The following SEZ6L variants were observed in gnomAD, a reference collection of about 807,000 sequenced individuals.
SEZ6L encodes the protein seizure 6-like protein.
A neutral mutation model predicts 106.2 loss-of-function variants in SEZ6L; 37 were observed. That is an observed-to-expected ratio of 0.35 (90% confidence interval 0.27 to 0.46). The LOEUF (loss-of-function observed/expected upper bound fraction) is 0.46. SEZ6L is among the 20% of genes least tolerant of loss of function. The pLI, the probability that SEZ6L is intolerant of heterozygous loss-of-function variation, is 1.00. For missense variants in SEZ6L, 1,172 were observed against 1,332.8 expected (o/e 0.88, Z 1.88); for synonymous variants, 541 against 570.4 (o/e 0.95, Z 0.73).
chr22:26,234,573 C>T (rs774400962), intron 1 of SEZ6L, among the ~76,000 whole-genome samples: 3 of 152,248 alleles, frequency 2.0e-5, no homozygotes, highest in Non-Finnish European at 1.5e-5. Context: ...GAACAGCATT[C>T]TTCCTCTGTA....
chr22:26,320,854 G>T lies in SEZ6L; in HGVS notation c.2015+6952G>T, dbSNP rs574905308. ...GGACAATGGGAGGGTGCGGGGGAGA[G>T]CACCCCCAGCATCTAGTGGGGACAG... is the stretch of plus-strand genomic sequence containing the variant. On this transcript the variant is annotated intron_variant, in intron 9 of 16. Coordinates refer to ENST00000248933, the MANE Select transcript of SEZ6L (RefSeq NM_021115.5). Among the ~76,000 whole-genome samples, 3 of 152,266 alleles carry T rather than the reference G, an allele frequency of 2.0e-5. No homozygotes were observed. The South Asian group carries it at 6.2e-4, about 32-fold the overall frequency.
chr22:26,287,320 A>C (rs770842510), intron 1 of SEZ6L, among the ~76,000 whole-genome samples: 1 of 152,116 alleles, frequency 6.6e-6, no homozygotes, highest in African/African-American at 2.4e-5. Flanking sequence ...TAACTCCTTG[A>C]GGGCAGGGGC....
intron 1 of SEZ6L, among the ~76,000 whole-genome samples, chr22:26,197,317 A>C (rs1352594492): frequency 6.6e-6 from 1 of 152,132 alleles, no homozygotes; most frequent in Non-Finnish European, 1.5e-5. Flanking sequence ...TGAAAACAAA[A>C]TTTTTTCACA....
At chr22:26,278,999 A>AGGAAGGAAGGAAGGAAAGAC (rs57017312) in intron 1 of SEZ6L, among the ~76,000 whole-genome samples, 51,464 of 135,448 alleles carry the variant, frequency 0.38, 12,130 homozygotes, top group African/African-American at 0.61. Flanking sequence ...GAAGGAAGGA[A>AGGAAGGAAGGAAGGAAAGAC]GGAAGGAAGG....
At chr22:26,368,451 A>G (rs1270196543) in intron 13 of SEZ6L, among the ~76,000 whole-genome samples, 2 of 152,220 alleles carry the variant, frequency 1.3e-5, no homozygotes, top group Non-Finnish European at 2.9e-5. Context: ...ATACCACAAC[A>G]TGGATGAACC....
At chr22:26,330,497 G>A (rs534300181) in intron 9 of SEZ6L, among the ~76,000 whole-genome samples, 1 of 152,336 alleles carries the variant, frequency 6.6e-6, no homozygotes, top group East Asian at 1.9e-4. Flanking sequence ...GCAGAGAAGA[G>A]AGGAGAGGGC....
intron 1 of SEZ6L, among the ~76,000 whole-genome samples, chr22:26,198,371 C>T (rs6004955): frequency 3.3e-5 from 5 of 152,142 alleles, no homozygotes; most frequent in African/African-American, 1.2e-4. Flanking sequence ...TGAGATTATC[C>T]AAAGACTGTA....
chr22:26,305,424 G>T (rs1432196165), intron 5 of SEZ6L, among the ~76,000 whole-genome samples: 1 of 152,174 alleles, frequency 6.6e-6, no homozygotes, highest in Non-Finnish European at 1.5e-5. Flanking sequence ...AACCAGTCAT[G>T]ATGAAAGTGA....
chr22:26,314,111 GGAGA>G (rs72164874), intron 9 of SEZ6L, among the ~76,000 whole-genome samples: 1 of 143,474 alleles, frequency 7.0e-6, no homozygotes, highest in African/African-American at 2.8e-5. Flanking sequence ...GAGAGAGAGA[GGAGA>G]GAGAGAGAGA....
chr22:26,304,389 A>AAAG (rs1447288477), intron 5 of SEZ6L, among the ~76,000 whole-genome samples: 2 of 127,346 alleles, frequency 1.6e-5, no homozygotes, highest in Non-Finnish European at 3.4e-5. Flanking sequence ...AGAAAGAAAG[A>AAAG]AAGAAAGAAA....
chr22:26,177,289 T>C (rs1939083137), intron 1 of SEZ6L, among the ~76,000 whole-genome samples: 1 of 151,676 alleles, frequency 6.6e-6, no homozygotes, highest in South Asian at 2.1e-4. Flanking sequence ...ACTAAGTAAC[T>C]CTACAAAAAA....
At chr22:26,361,465 C>A (rs1294028385) in intron 12 of SEZ6L, among the ~76,000 whole-genome samples, 1 of 148,530 alleles carries the variant, frequency 6.7e-6, no homozygotes, top group Non-Finnish European at 1.5e-5. Flanking sequence ...TGAGATCACA[C>A]CACTGCACTC....
At chr22:26,206,360 A>C (rs1482062131) in intron 1 of SEZ6L, among the ~76,000 whole-genome samples, 1 of 152,216 alleles carries the variant, frequency 6.6e-6, no homozygotes, top group East Asian at 1.9e-4. Context: ...AGAGTTCTGC[A>C]TAGTATATAA....
chr22:26,249,411 G>A (rs1207406), intron 1 of SEZ6L, among the ~76,000 whole-genome samples: 92,703 of 151,998 alleles, frequency 0.61, 29,272 homozygotes, highest in East Asian at 0.94. Context: ...GAGTGAGAAC[G>A]TGTGGTATTT....
At chr22:26,345,345 G>A (rs1326231142) in intron 10 of SEZ6L, among the ~76,000 whole-genome samples, 1 of 152,222 alleles carries the variant, frequency 6.6e-6, no homozygotes, top group African/African-American at 2.4e-5. Context: ...AATTACAAAT[G>A]CAGTGGGTGC....
intron 1 of SEZ6L, among the ~76,000 whole-genome samples, chr22:26,271,771 G>T (rs928668371): frequency 6.6e-6 from 1 of 152,190 alleles, no homozygotes; most frequent in South Asian, 2.1e-4. Flanking sequence ...CTGTGGAACC[G>T]TGAGCCAATT....
At chr22:26,172,133 T>C (rs532224705) in intron 1 of SEZ6L, among the ~76,000 whole-genome samples, 2 of 152,154 alleles carry the variant, frequency 1.3e-5, no homozygotes, top group African/African-American at 4.8e-5. Context: ...TGTAACTACA[T>C]GCAAAGACTG....
At chr22:26,338,154 AT>A (rs1189751586) in intron 9 of SEZ6L, among the ~76,000 whole-genome samples, 1 of 152,162 alleles carries the variant, frequency 6.6e-6, no homozygotes, top group Non-Finnish European at 1.5e-5. Context: ...CTGGCATTGA[AT>A]TGCTCAGTCA....
At position 26,169,642 on chromosome 22, in the gene SEZ6L, C is replaced by G. The variant is rs544602240; in HGVS notation, c.-28C>G. 3.1e-6 allele frequency: 3 copies of G among 969,996 alleles called. No homozygotes were observed. The East Asian group carries it at 9.9e-5, about 32-fold the overall frequency. 60.1% of individuals were successfully genotyped at this position (969,996 alleles called of 1,614,324 possible). A position where few individuals can be genotyped will look rare whatever the true frequency, so the allele number is the denominator to read the frequency against. ...CCTCGCCGTCCGCCCGCCCCACAGC[C>G]AGCGGCTCCGCGCCCCCTGCAGCCA... On this transcript the variant is annotated 5_prime_UTR_variant, in exon 1 of 17. Transcript: ENST00000248933.
Sources: allele counts gnomAD v4.1 joint callset (sites outside exome capture counted in the v4.1 genomes callset), GRCh38; gene constraint gnomAD v4.1.1; transcripts MANE v1.5; gene names NCBI Gene and HGNC (gene_info 2026-07-23, HGNC 2026-07-21).